Variants in EED observed in about 807,000 individuals in gnomAD.
The protein encoded by EED is polycomb protein EED.
Under a neutral mutation model 61.0 loss-of-function variants are expected in EED, and 9 were observed. The ratio of observed to expected loss-of-function variants is 0.15; its 90% confidence interval spans 0.09 to 0.26. The LOEUF is 0.26. Ranked by LOEUF, EED falls within the 10% of genes least tolerant of loss-of-function variation. The pLI, the probability that EED is intolerant of heterozygous loss-of-function variation, is 1.00. For synonymous variants in EED, 187 were observed against 174.4 expected (o/e 1.07, Z -0.57); for missense variants, 315 against 542.3 (o/e 0.58, Z 4.16).
chr11:86,287,173 T>A, the EED span, among the ~76,000 whole-genome samples: 1 of 152,012 alleles, frequency 6.6e-6, no homozygotes, highest in Admixed American at 6.6e-5. Flanking sequence ...CAGCCTGCAG[T>A]GTGAAACACA....
intron 6 of EED, among the ~76,000 whole-genome samples, chr11:86,263,751 G>A (rs982026068): frequency 6.6e-6 from 1 of 152,200 alleles, no homozygotes; most frequent in African/African-American, 2.4e-5. Context: ...AGAACATGGT[G>A]CCGGCATCTG....
chr11:86,245,991 TTTAC>T (rs1269345018), intron 1 of EED, among the ~76,000 whole-genome samples: 1 of 152,162 alleles, frequency 6.6e-6, no homozygotes, highest in Non-Finnish European at 1.5e-5. Flanking sequence ...TTTGAACGTT[TTTAC>T]TTAAGATAAA....
downstream of EED, among the ~76,000 whole-genome samples, chr11:86,280,635 A>C (rs992763560): frequency 6.6e-6 from 1 of 152,220 alleles, no homozygotes; most frequent in Non-Finnish European, 1.5e-5. Context: ...AATTATATAT[A>C]TGTCTTTAAT....
At chr11:86,268,914 T>G (rs2138206829) in intron 9 of EED, among the ~76,000 whole-genome samples, 1 of 152,274 alleles carries the variant, frequency 6.6e-6, no homozygotes, top group East Asian at 1.9e-4. Flanking sequence ...ACTATTTTAG[T>G]AAAATTTTAT....
rs568869481 is a variant in EED at position 86,245,221 on chromosome 11, C to T, written c.-9C>T. Reference sequence around the variant, plus strand: ...CAGGCGGCAGGAACCTGGAGGGAGGCGGAGGAATATGTCCGAGAGGGAAGT... The same window carrying T: ...CAGGCGGCAGGAACCTGGAGGGAGGTGGAGGAATATGTCCGAGAGGGAAGT... On this transcript the variant is annotated 5_prime_UTR_variant, in exon 1 of 12. Transcript: ENST00000263360. 15 of 1,608,820 alleles carry T rather than the reference C, an allele frequency of 9.3e-6. No homozygotes were observed. In the South Asian group the frequency reaches 1.4e-4, roughly 15 times the overall value.
At chr11:86,275,401 C>G (rs1016662911) in intron 9 of EED, among the ~76,000 whole-genome samples, 4 of 152,188 alleles carry the variant, frequency 2.6e-5, no homozygotes, top group African/African-American at 7.2e-5. Flanking sequence ...AAATCTGGCT[C>G]TGCATCGGAC....
chr11:86,262,052 A>G (rs1398276786), intron 6 of EED, among the ~76,000 whole-genome samples: 2 of 151,964 alleles, frequency 1.3e-5, no homozygotes, highest in African/African-American at 4.8e-5. Context: ...TTTTTATTTT[A>G]TATATTTTTT....
chr11:86,259,020 C>T (rs1052989964), intron 6 of EED, among the ~76,000 whole-genome samples: 2 of 151,944 alleles, frequency 1.3e-5, no homozygotes, highest in Middle Eastern at 3.4e-3. Context: ...GCGCCCTCCA[C>T]CATGCCTGGC....
intron 11 of EED, 133 bp from the exon 12 acceptor site, chr11:86,278,266 G>A: frequency 2.1e-6 from 3 of 1,401,522 alleles, no homozygotes; most frequent in Non-Finnish European, 2.8e-6. Context: ...TGAGCTCTTA[G>A]TGAAGTATAT....
Position 86,256,556 on chromosome 11 carries a change from C to T in EED, c.552+44C>T, listed in dbSNP as rs753803438. The T allele has an allele frequency of 9.4e-6, 14 of 1,495,002 alleles. No homozygotes were observed. In the African/African-American group the frequency reaches 1.7e-4, roughly 18 times the overall value. 92.6% of individuals were successfully genotyped at this position (1,495,002 alleles called of 1,614,324 possible). On this transcript the variant is annotated intron_variant, in intron 5 of 11. Transcript: ENST00000263360. ...ATTGTAGATCTGCTTCTTTTGAATC[C>T]ACAACTGTAAAAACTTGTAATGTTA...
intron 6 of EED, among the ~76,000 whole-genome samples, chr11:86,259,367 CAG>C (rs1441228484): frequency 7.3e-6 from 1 of 137,020 alleles, no homozygotes; most frequent in Non-Finnish European, 1.6e-5. Context: ...TTTTTGGAGA[CAG>C]GGTCTTGCCC....
At chr11:86,273,905 A>C (rs149589497) in intron 9 of EED, among the ~76,000 whole-genome samples, 7 of 152,072 alleles carry the variant, frequency 4.6e-5, no homozygotes, top group Admixed American at 3.9e-4. Flanking sequence ...CTTGATGTGG[A>C]TTTCTTTGGG....
At position 86,245,112 on chromosome 11, in the gene EED, C is replaced by T. The variant is rs1310736083; in HGVS notation, c.-118C>T. 7.4e-6 allele frequency: 5 copies of T among 676,212 alleles called. No homozygotes were observed. The highest frequency in any genetic ancestry group is 1.9e-5 in the African/African-American group (1 of 51,806). The allele number at this position is 676,212 out of a possible 1,614,324, so 41.9% of individuals were successfully genotyped here. A position where few individuals can be genotyped will look rare whatever the true frequency, so the allele number is the denominator to read the frequency against. ...GCGCGATTTGCGACAGTGGGGGGGG[C>T]GGTGGAGGTGGCGGCGGCAGCGGCA... On this transcript the variant is annotated 5_prime_UTR_variant, in exon 1 of 12. Coordinates refer to ENST00000263360, the MANE Select transcript of EED (RefSeq NM_003797.5).
chr11:86,270,229 C>CATTT lies in EED; in HGVS notation c.966+1669_966+1672dup, dbSNP rs1946082172. The CATTT allele has an allele frequency of 8.3e-5, 49 of 592,998 alleles. No individual in the cohort carries two copies. The South Asian group carries it at 9.8e-4, about 12-fold the overall frequency. 36.7% of individuals were successfully genotyped at this position (592,998 alleles called of 1,614,324 possible). ...GATATCTCATCGTGGTCTTAATTTG[C>CATTT]ATTTCCCTGATGGCTAGTGATGTTG... is the stretch of plus-strand genomic sequence containing the variant. On this transcript the variant is annotated intron_variant, in intron 9 of 11. Coordinates refer to ENST00000263360, the MANE Select transcript of EED (RefSeq NM_003797.5).
At chr11:86,276,890 A>G (rs1946246609) in intron 9 of EED, 90 bp from the exon 10 acceptor site, 1 of 1,220,244 alleles carries the variant, frequency 8.2e-7, no homozygotes, top group Non-Finnish European at 1.1e-6. Flanking sequence ...AGAGCTGTGA[A>G]TTCCAAAACA....
intron 6 of EED, 173 bp from the exon 7 acceptor site, chr11:86,263,999 A>C: frequency 1.7e-6 from 1 of 572,010 alleles, no homozygotes; most frequent in South Asian, 2.3e-5. Flanking sequence ...GCACTTACCT[A>C]GCTAATTCTA....
At chr11:86,250,480 T>G (rs779037431) in intron 2 of EED, 32 bp downstream of exon 2, 1 of 1,496,920 alleles carries the variant, frequency 6.7e-7, no homozygotes, top group Non-Finnish European at 8.9e-7. Flanking sequence ...TTGGGCTGAA[T>G]GCTAGGCTTC....
rs1464396199 is a variant in EED at position 86,250,398 on chromosome 11, T to C, written c.217T>C (p.Trp73Arg). Residue 73 changes from tryptophan (W) to arginine (R), a missense_variant, in exon 2 of 12, where the codon TGG (tryptophan) becomes CGG (arginine). By Grantham distance (101) the Trp-to-Arg change is moderately radical. Coordinates refer to ENST00000263360, the MANE Select transcript of EED (RefSeq NM_003797.5). ...AAGGAAAAGTTGGGGAAAGGGAAAA[T>C]GGAAGTCAAAGAAATGCAAATATTC... ...PGRKSWGKGK[W>R]KSKKCKYSFK... 1.2e-6 allele frequency: 2 copies of C among 1,607,848 alleles called. No individual in the cohort carries two copies. The highest frequency in any genetic ancestry group is 1.1e-5 in the South Asian group (1 of 90,274).
At chr11:86,250,927 T>C (rs557848545) in intron 2 of EED, among the ~76,000 whole-genome samples, 6 of 152,210 alleles carry the variant, frequency 3.9e-5, no homozygotes, top group Admixed American at 2.0e-4. Context: ...ATTTTTAAAC[T>C]TTTTAATATT....
Sources: allele counts gnomAD v4.1 joint callset (sites outside exome capture counted in the v4.1 genomes callset), GRCh38; gene constraint gnomAD v4.1.1; transcripts MANE v1.5; gene names NCBI Gene and HGNC (gene_info 2026-07-23, HGNC 2026-07-21).